Variants in GADD45GIP1 observed in about 807,000 individuals in gnomAD.
The protein encoded by GADD45GIP1 is large ribosomal subunit protein mL64.
Under a neutral mutation model 22.1 loss-of-function variants are expected in GADD45GIP1, and 17 were observed. The observed-to-expected ratio is 0.77, with a 90% CI of 0.53 to 1.15. The LOEUF (loss-of-function observed/expected upper bound fraction) is 1.15. Among genes scored for constraint, GADD45GIP1 ranks in the 50% most tolerant of loss-of-function variants. GADD45GIP1 has a pLI of 0.00. For synonymous variants in GADD45GIP1, 135 were observed against 138.4 expected (o/e 0.98, Z 0.17); for missense variants, 294 against 314.0 (o/e 0.94, Z 0.48).
rs755150760 is a variant in GADD45GIP1, at chr19:12,956,873, G to T, written c.340C>A (p.Arg114Ser). Residue 114 changes from arginine (R) to serine (S), a missense_variant, in exon 1 of 2, where the codon CGT (arginine) becomes AGT (serine). By Grantham distance (110) the Arg-to-Ser change is moderately radical (BLOSUM62 -1). Coordinates refer to ENST00000316939, the MANE Select transcript of GADD45GIP1 (RefSeq NM_052850.4). Reference protein sequence around the residue: ...RVKQLAEEQKRREREQHIAEC... With the variant: ...RVKQLAEEQKSREREQHIAEC... ...CCTGCACGCACGCACCTCTCCCGACGCTTCTGCTCTTCGGCCAGCTGCTTC... is the reference window on the plus strand; with the variant it reads ...CCTGCACGCACGCACCTCTCCCGACTCTTCTGCTCTTCGGCCAGCTGCTTC... The T allele has an allele frequency of 6.3e-7, 1 of 1,597,944 alleles. No homozygotes were observed. The highest frequency in any genetic ancestry group is 1.7e-5 in the Admixed American group (1 of 59,862).
chr19:12,954,003 C>T lies in GADD45GIP1; in HGVS notation c.*205G>A, dbSNP rs149310475. ...TTCTCCATTATTTGCCCATTGTACA[C>T]CCCCCTTTTCCTCCCACTGAAGCCC... is the stretch of plus-strand genomic sequence containing the variant. On this transcript the variant is annotated 3_prime_UTR_variant, in exon 2 of 2. Coordinates refer to ENST00000316939, the MANE Select transcript of GADD45GIP1 (RefSeq NM_052850.4). 2.8e-5 allele frequency: 16 copies of T among 572,116 alleles called. No homozygotes were observed. The highest frequency in any genetic ancestry group is 4.6e-5 in the South Asian group (2 of 43,448). The allele number at this position is 572,116 out of a possible 1,614,324, so 35.4% of individuals were successfully genotyped here.
chr19:12,957,163 G>A lies in GADD45GIP1; in HGVS notation c.50C>T (p.Thr17Ile), dbSNP rs1971935730. ...GTAGCCACGGGAACCCGGGGCCAGG[G>A]TCGCCGCCACACCTAGTAGGCTGCG... ...QARSLLGVAA[T>I]LAPGSRGYRA... The change falls in exon 1 of 2, where the codon ACC becomes ATC. Residue 17 changes from threonine to isoleucine, a missense_variant. Transcript: ENST00000316939. The A allele has an allele frequency of 1.4e-6, 2 of 1,420,756 alleles. No individual in the cohort carries two copies. The highest frequency in any genetic ancestry group is 1.8e-6 in the Non-Finnish European group (2 of 1,101,224). 88.0% of individuals were successfully genotyped at this position (1,420,756 alleles called of 1,614,324 possible). A position where few individuals can be genotyped will look rare whatever the true frequency, so the allele number is the denominator to read the frequency against.
At position 12,953,136 on chromosome 19, in the gene GADD45GIP1, T is replaced by C. The variant is rs906625037; in HGVS notation, c.*1072A>G. The C allele has an allele frequency of 1.2e-6, 1 of 857,614 alleles. No individual in the cohort carries two copies. The highest frequency in any genetic ancestry group is 1.7e-6 in the Non-Finnish European group (1 of 578,438). The allele number at this position is 857,614 out of a possible 1,614,324, so 53.1% of individuals were successfully genotyped here. On this transcript the variant is annotated 3_prime_UTR_variant, in exon 2 of 2. Coordinates refer to ENST00000316939, the MANE Select transcript of GADD45GIP1 (RefSeq NM_052850.4). Reference sequence around the variant, plus strand: ...AGAAAAAATATATATATATTCATGTTTATTTAAGAAATGGAAAAAAAAATC... The same window carrying C: ...AGAAAAAATATATATATATTCATGTCTATTTAAGAAATGGAAAAAAAAATC...
chr19:12,957,200 C>CG lies in GADD45GIP1; in HGVS notation c.12dup (p.Val5ArgfsTer55). 7.2e-7 allele frequency: 1 copy of CG among 1,398,142 alleles called. No individual in the cohort carries two copies. Among genetic ancestry groups the CG allele is most frequent in the Non-Finnish European group, 9.2e-7 (1 of 1,085,912 alleles). 86.6% of individuals were successfully genotyped at this position (1,398,142 alleles called of 1,614,324 possible). On this transcript the variant is annotated frameshift_variant, in exon 1 of 2. Coordinates refer to ENST00000316939, the MANE Select transcript of GADD45GIP1 (RefSeq NM_052850.4). LOFTEE classifies it high-confidence loss of function. ...CCTAGTAGGCTGCGTGCCTGTCGCA[C>CG]GGACGCCGCCATCTTGGCTGTGCGG... is the stretch of plus-strand genomic sequence containing the variant.
Position 12,954,131 on chromosome 19 carries a change from G to A in GADD45GIP1, c.*77C>T, listed in dbSNP as rs1971891176. Reference sequence around the variant, plus strand: ...TGGGGGAGGAACCAGGGGACCCAGAGAGGCACACCTTGAGAGGACGCAGAT... The same window carrying A: ...TGGGGGAGGAACCAGGGGACCCAGAAAGGCACACCTTGAGAGGACGCAGAT... On this transcript the variant is annotated 3_prime_UTR_variant, in exon 2 of 2. Transcript: ENST00000316939. The A allele has an allele frequency of 3.1e-6, 4 of 1,271,322 alleles. No individual in the cohort carries two copies. Among genetic ancestry groups the A allele is most frequent in the Admixed American group, 2.2e-5 (1 of 46,214 alleles). The allele number at this position is 1,271,322 out of a possible 1,614,324, so 78.8% of individuals were successfully genotyped here.
chr19:12,956,837 C>G (rs751301103), intron 1 of GADD45GIP1, 26 bp downstream of exon 1: 5 of 1,582,336 alleles, frequency 3.2e-6, no homozygotes, highest in Non-Finnish European at 4.3e-6. Context: ...CAGAGGGCAG[C>G]CCCGCGTCTG....
chr19:12,956,600 G>A (rs1971926707), intron 1 of GADD45GIP1, among the ~76,000 whole-genome samples: 1 of 152,216 alleles, frequency 6.6e-6, no homozygotes, highest in Non-Finnish European at 1.5e-5. Flanking sequence ...GTTGCAGTGA[G>A]CCAAGATCTT....
At position 12,953,908 on chromosome 19, in the gene GADD45GIP1, G is replaced by C; in HGVS notation, c.*300C>G. 2.9e-6 allele frequency: 1 copy of C among 350,656 alleles called. No homozygotes were observed. The highest frequency in any genetic ancestry group is 5.2e-6 in the Non-Finnish European group (1 of 191,986). 21.7% of individuals were successfully genotyped at this position (350,656 alleles called of 1,614,324 possible). On this transcript the variant is annotated 3_prime_UTR_variant, in exon 2 of 2. Transcript: ENST00000316939. The stretch of plus-strand genomic sequence containing the variant: ...TTTGGCTATACTTCCCCCCCCACCA[G>C]CCTTGTAATTGGCTAATTACTGGAG...
chr19:12,957,182 G>C lies in GADD45GIP1; in HGVS notation c.31C>G (p.Leu11Val), dbSNP rs553432595. 2.1e-6 allele frequency: 3 copies of C among 1,409,966 alleles called. No individual in the cohort carries two copies. Among genetic ancestry groups the C allele is most frequent in the South Asian group, 3.2e-5 (2 of 63,406 alleles). 87.3% of individuals were successfully genotyped at this position (1,409,966 alleles called of 1,614,324 possible). MAASVRQARSLLGVAATLAPG... is the reference protein window; with the variant it reads MAASVRQARSVLGVAATLAPG... The stretch of plus-strand genomic sequence containing the variant: ...GCCAGGGTCGCCGCCACACCTAGTA[G>C]GCTGCGTGCCTGTCGCACGGACGCC... The change falls in exon 1 of 2, where the codon CTA (leucine) becomes GTA (valine). Residue 11 changes from leucine to valine, a missense_variant. By Grantham distance (32) the Leu-to-Val change is conservative. Coordinates refer to ENST00000316939, the MANE Select transcript of GADD45GIP1 (RefSeq NM_052850.4).
Position 12,956,862 on chromosome 19 carries a change from C to T in GADD45GIP1, c.350+1G>A. On this transcript the variant is annotated splice_donor_variant, in intron 1 of 1. Transcript: ENST00000316939. LOFTEE classifies it high-confidence loss of function. ...CCCCGCGTCTGCCTGCACGCACGCA[C>T]CTCTCCCGACGCTTCTGCTCTTCGG... is the stretch of plus-strand genomic sequence containing the variant. The T allele has an allele frequency of 2.5e-6, 4 of 1,596,600 alleles. No individual in the cohort carries two copies. Among genetic ancestry groups the T allele is most frequent in the South Asian group, 2.2e-5 (2 of 90,352 alleles).
At position 12,953,510 on chromosome 19, in the gene GADD45GIP1, C is replaced by A. The variant is rs1020894449; in HGVS notation, c.*698G>T. 6.5e-6 allele frequency: 1 copy of A among 153,776 alleles called. No homozygotes were observed. The highest frequency in any genetic ancestry group is 2.4e-5 in the African/African-American group (1 of 41,474). 9.5% of individuals were successfully genotyped at this position (153,776 alleles called of 1,614,324 possible). A position where few individuals can be genotyped will look rare whatever the true frequency, so the allele number is the denominator to read the frequency against. On this transcript the variant is annotated 3_prime_UTR_variant, in exon 2 of 2. Coordinates refer to ENST00000316939, the MANE Select transcript of GADD45GIP1 (RefSeq NM_052850.4). ...GGGCAAGTCCTGAAAGGCCCAAGGC[C>A]CCCTCCCCAGTCTGGCCTTGGCCTC...
At position 12,954,144 on chromosome 19, in the gene GADD45GIP1, A is replaced by C; in HGVS notation, c.*64T>G. ...AGGGGACCCAGAGAGGCACACCTTG[A>C]GAGGACGCAGATCTCTTCAGGGGTA... On this transcript the variant is annotated 3_prime_UTR_variant, in exon 2 of 2. Transcript: ENST00000316939. 7.2e-7 allele frequency: 1 copy of C among 1,395,344 alleles called. No individual in the cohort carries two copies. Among genetic ancestry groups the C allele is most frequent in the Non-Finnish European group, 9.9e-7 (1 of 1,011,774 alleles). 86.4% of individuals were successfully genotyped at this position (1,395,344 alleles called of 1,614,324 possible). A position where few individuals can be genotyped will look rare whatever the true frequency, so the allele number is the denominator to read the frequency against.
rs577995624 is a variant in GADD45GIP1 at position 12,955,855 on chromosome 19, A to AAAC, written c.350+1005_350+1007dup. On this transcript the variant is annotated intron_variant, in intron 1 of 1. Coordinates refer to ENST00000316939, the MANE Select transcript of GADD45GIP1 (RefSeq NM_052850.4). Reference sequence around the variant, plus strand: ...GCAACAAGAGCAAAACTCTGCCTCAAAACAACAACAACAACAACAACAAAA... The same window carrying AAAC: ...GCAACAAGAGCAAAACTCTGCCTCAAAACAACAACAACAACAACAACAACAAAA... 4.6e-3 allele frequency among the ~76,000 whole-genome samples: 694 copies of AAAC among 151,484 alleles called. 5 individuals are homozygous for AAAC. Among genetic ancestry groups the AAAC allele is most frequent in the Middle Eastern group, 0.014 (4 of 290 alleles).
At position 12,953,200 on chromosome 19, in the gene GADD45GIP1, G is replaced by A; in HGVS notation, c.*1008C>T. ...AAACAAGCAAACAGTCCAGCTTCCT[G>A]TCCTCCTAAAGTGGCCCCTGTTCCC... On this transcript the variant is annotated 3_prime_UTR_variant, in exon 2 of 2. Coordinates refer to ENST00000316939, the MANE Select transcript of GADD45GIP1 (RefSeq NM_052850.4). The A allele has an allele frequency of 1.7e-6, 1 of 577,528 alleles. No homozygotes were observed. The highest frequency in any genetic ancestry group is 2.8e-6 in the Non-Finnish European group (1 of 353,030). 35.8% of individuals were successfully genotyped at this position (577,528 alleles called of 1,614,324 possible).
At chr19:12,954,587 C>T in intron 1 of GADD45GIP1, 61 bp from the exon 2 acceptor site, 1 of 1,417,516 alleles carries the variant, frequency 7.1e-7, no homozygotes, top group Non-Finnish European at 9.6e-7. Flanking sequence ...GCCCACCCAC[C>T]CATATCTCAC....
At position 12,953,730 on chromosome 19, in the gene GADD45GIP1, G is replaced by A. The variant is rs550384175; in HGVS notation, c.*478C>T. On this transcript the variant is annotated 3_prime_UTR_variant, in exon 2 of 2. Transcript: ENST00000316939. Reference sequence around the variant, plus strand: ...CTGGGCACAGGCAGGCATGGTGACGGGTGCCTGGAAGGGGGAGAGGAGTCT... The same window carrying A: ...CTGGGCACAGGCAGGCATGGTGACGAGTGCCTGGAAGGGGGAGAGGAGTCT... 18 of 158,964 alleles carry A rather than the reference G, an allele frequency of 1.1e-4. No individual in the cohort carries two copies. In the South Asian group the frequency reaches 3.0e-3, roughly 26 times the overall value. The allele number at this position is 158,964 out of a possible 1,614,324, so 9.8% of individuals were successfully genotyped here.
At chr19:12,954,618 G>T in intron 1 of GADD45GIP1, 92 bp from the exon 2 acceptor site, 1 of 1,025,770 alleles carries the variant, frequency 9.7e-7, no homozygotes, top group Non-Finnish European at 1.4e-6. Context: ...TTGCCCACGA[G>T]CCTGCCTCCT....
rs139904917 is a variant in GADD45GIP1 at position 12,956,984 on chromosome 19, G to A, written c.229C>T (p.Pro77Ser). 675 of 1,598,908 alleles carry A rather than the reference G, an allele frequency of 4.2e-4. 9 individuals are homozygous for A. Among genetic ancestry groups the A allele is most frequent in the African/African-American group, 6.7e-5 (5 of 74,914 alleles). ...ASGVVPGSLW[P>S]SPEQLRELEA... ...AGCTCCCGCAGCTGCTCCGGCGACG[G>A]CCATAACGAACCGGGGACCACCCCG... The change falls in exon 1 of 2, where the codon CCG (proline) becomes TCG (serine). Residue 77 changes from proline (P) to serine (S), a missense_variant. By Grantham distance (74) the Pro-to-Ser change is moderately conservative. Transcript: ENST00000316939.
At chr19:12,955,786 G>A (rs1247410290) in intron 1 of GADD45GIP1, among the ~76,000 whole-genome samples, 1 of 151,992 alleles carries the variant, frequency 6.6e-6, no homozygotes, top group Non-Finnish European at 1.5e-5. Context: ...TCTTGATCCT[G>A]GGAGGCAGAG....
Sources: allele counts gnomAD v4.1 joint callset (sites outside exome capture counted in the v4.1 genomes callset), GRCh38; gene constraint gnomAD v4.1.1; transcripts MANE v1.5; gene names NCBI Gene and HGNC (gene_info 2026-07-23, HGNC 2026-07-21).